The following VPS13D variants were observed in gnomAD, a reference collection of about 807,000 sequenced individuals.
VPS13D encodes intermembrane lipid transfer protein VPS13D.
VPS13D carries 187 observed loss-of-function variants against 461.9 expected under a neutral mutation model. The observed-to-expected ratio is 0.40, with a 90% confidence interval of 0.36 to 0.46. The LOEUF (loss-of-function observed/expected upper bound fraction) is 0.46, where lower values mean the gene tolerates loss of function less well. Ranked by LOEUF, VPS13D falls within the 20% of genes least tolerant of loss-of-function variation. VPS13D has a pLI of 0.60. For synonymous variants in VPS13D, 1,951 were observed against 1,986.3 expected (o/e 0.98, Z 0.47); for missense variants, 4,711 against 5,364.9 (o/e 0.88, Z 3.81).
rs1641842301 is a variant in VPS13D, at chr1:12,283,172, G to A, written c.5070G>A (p.Val1690=). The A allele has an allele frequency of 3.7e-6, 6 of 1,614,090 alleles. No individual in the cohort carries two copies. The highest frequency in any genetic ancestry group is 1.3e-5 in the African/African-American group (1 of 74,940). The change falls in exon 21 of 70, where the codon GTG becomes GTA. Residue 1690 remains valine (V), a synonymous_variant. Coordinates refer to ENST00000620676, the MANE Select transcript of VPS13D (RefSeq NM_015378.4). ...NPDSKYKNLM[V]SRGAPKPSSL... ...ATTCTAAATATAAGAACCTGATGGT[G>A]TCTCGAGGAGCCCCTAAGCCATCTA... is the stretch of plus-strand genomic sequence containing the variant.
chr1:12,380,627 T>C (rs1297714791), intron 57 of VPS13D, among the ~76,000 whole-genome samples: 1 of 152,224 alleles, frequency 6.6e-6, no homozygotes, highest in African/African-American at 2.4e-5. Flanking sequence ...CTAGGAGGTT[T>C]GGACATGCAG....
intron 13 of VPS13D, among the ~76,000 whole-genome samples, chr1:12,266,126 C>A (rs547184920): frequency 6.6e-6 from 1 of 152,312 alleles, no homozygotes; most frequent in African/African-American, 2.4e-5. Context: ...GATTGCACCA[C>A]TGCACTCCAG....
In VPS13D at chr1:12,277,319, A is replaced by G. The variant is rs1453763210; in HGVS notation, c.3731A>G (p.Tyr1244Cys). The change falls in exon 19 of 70, where the codon TAT (tyrosine) becomes TGT (cysteine). Residue 1244 changes from tyrosine (Y) to cysteine (C), a missense_variant. Tyr to Cys is a radical substitution (Grantham distance 194). Transcript: ENST00000620676. ...YVVSIGNSVG[Y>C]ENIISDIGYF... ...GTCAGCATTGGGAATTCTGTAGGCTATGAAAATATCATCAGTGATATTGGC... is the reference window on the plus strand; with the variant it reads ...GTCAGCATTGGGAATTCTGTAGGCTGTGAAAATATCATCAGTGATATTGGC... 1.9e-6 allele frequency: 3 copies of G among 1,614,256 alleles called. No homozygotes were observed. The highest frequency in any genetic ancestry group is 2.5e-6 in the Non-Finnish European group (3 of 1,180,040).
At chr1:12,444,810 T>TTCTTACATATCTGGAAA (rs1645173279) in intron 65 of VPS13D, among the ~76,000 whole-genome samples, 2 of 152,210 alleles carry the variant, frequency 1.3e-5, no homozygotes, top group Non-Finnish European at 2.9e-5. Flanking sequence ...ATCTGGAAAT[T>TTCTTACATATCTGGAAA]TTAATTGAAT....
At chr1:12,399,010 C>T (rs1644536849) in intron 60 of VPS13D, among the ~76,000 whole-genome samples, 1 of 152,130 alleles carries the variant, frequency 6.6e-6, no homozygotes. Context: ...ATGAAGTTGT[C>T]ATAAGGATGG....
chr1:12,433,263 AAAAAAAAC>A lies in VPS13D; in HGVS notation c.12333+16455_12333+16462del, dbSNP rs781557424. On this transcript the variant is annotated intron_variant, in intron 65 of 69. Transcript: ENST00000620676. ...TTTAATCTGGAACGCTTGGGGAAAA[AAAAAAAAC>A]AAAAAAACAAAAAAACAACAACAAA... is the stretch of plus-strand genomic sequence containing the variant. 4.4e-3 allele frequency among the ~76,000 whole-genome samples: 664 copies of A among 150,774 alleles called. 3 individuals are homozygous for A. The highest frequency in any genetic ancestry group is 6.8e-3 in the Middle Eastern group (2 of 292).
rs1271450382 is a variant in VPS13D at position 12,504,116 on chromosome 1, A to T, written c.12795-2737A>T. Among the ~76,000 whole-genome samples, 3 of 152,294 alleles carry T rather than the reference A, an allele frequency of 2.0e-5. No individual in the cohort carries two copies. The East Asian group carries it at 5.8e-4, about 29-fold the overall frequency. ...GGGTCTGGTCTGGAGCTGTTTAATT[A>T]TTCTTTGATGTGTTTGGCAGATTTT... On this transcript the variant is annotated intron_variant, in intron 68 of 69. Transcript: ENST00000620676.
intron 67 of VPS13D, among the ~76,000 whole-genome samples, chr1:12,491,722 A>G (rs937139197): frequency 1.1e-4 from 16 of 152,264 alleles, no homozygotes; most frequent in Admixed American, 3.3e-4. Flanking sequence ...TCCCTGGGGG[A>G]AGAGTCCTCC....
At chr1:12,420,072 T>A (rs1249812205) in intron 65 of VPS13D, among the ~76,000 whole-genome samples, 1 of 152,226 alleles carries the variant, frequency 6.6e-6, no homozygotes, top group Admixed American at 6.5e-5. Flanking sequence ...ATACCAGCAA[T>A]CTTAGGTGTT....
intron 29 of VPS13D, among the ~76,000 whole-genome samples, chr1:12,313,299 CTTTTT>C (rs765170972): frequency 6.8e-5 from 8 of 117,600 alleles, no homozygotes; most frequent in Middle Eastern, 4.2e-3. Context: ...TTATTCTTTC[CTTTTT>C]TTTTTTTTTT....
intron 65 of VPS13D, among the ~76,000 whole-genome samples, chr1:12,448,575 G>A (rs796186403): frequency 3.9e-5 from 6 of 152,260 alleles, no homozygotes; most frequent in African/African-American, 1.4e-4. Flanking sequence ...GAGCTGAAAG[G>A]CAGGACACAA....
chr1:12,406,045 T>C lies in VPS13D; in HGVS notation c.12030+2072T>C, dbSNP rs78513944. Among the ~76,000 whole-genome samples, 679 of 151,934 alleles carry C rather than the reference T, an allele frequency of 4.5e-3. 3 individuals are homozygous for C. The highest frequency in any genetic ancestry group is 0.016 in the African/African-American group (645 of 41,536). ...GTTGAATGTTTCATCTGGCACTGAATTGAAGGAACATTTTCAGGGCATTTT... is the reference window on the plus strand; with the variant it reads ...GTTGAATGTTTCATCTGGCACTGAACTGAAGGAACATTTTCAGGGCATTTT... On this transcript the variant is annotated intron_variant, in intron 63 of 69. Coordinates refer to ENST00000620676, the MANE Select transcript of VPS13D (RefSeq NM_015378.4).
intron 2 of VPS13D, among the ~76,000 whole-genome samples, chr1:12,242,070 A>AT (rs761501896): frequency 7.5e-4 from 114 of 152,084 alleles, no homozygotes; most frequent in Admixed American, 1.4e-3. Context: ...TTAAAGGTTG[A>AT]TAAAAAAAAA....
In VPS13D at chr1:12,401,645, T is replaced by C. The variant is rs778052632; in HGVS notation, c.11822T>C (p.Ile3941Thr). 1.2e-5 allele frequency: 19 copies of C among 1,613,476 alleles called. No homozygotes were observed. Among genetic ancestry groups the C allele is most frequent in the Middle Eastern group, 1.6e-4 (1 of 6,084 alleles). Residue 3941 changes from isoleucine to threonine, a missense_variant, in exon 62 of 70, where the codon ATT becomes ACT. Physicochemically the swap from Ile to Thr is moderately conservative, Grantham distance 89 (BLOSUM62 -1). This residue lies in a region of VPS13D where 4,411 missense variants were observed against 4,937.8 expected (regional missense o/e 0.89). Transcript: ENST00000620676. ...ACAGCTCAGAGATTCACAGTGCAAA[T>C]TGAGGAGAAACTGCTCCTCAAGCTG... ...MITAQRFTVQIEEKLLLKLLS... is the reference protein window; with the variant it reads ...MITAQRFTVQTEEKLLLKLLS...
chr1:12,503,928 G>C (rs1319089505), intron 68 of VPS13D, among the ~76,000 whole-genome samples: 6 of 152,162 alleles, frequency 3.9e-5, no homozygotes, highest in Non-Finnish European at 5.9e-5. Context: ...GGCCAGGGAA[G>C]GGGAATTACC....
At position 12,505,228 on chromosome 1, in the gene VPS13D, C is replaced by G. The variant is rs972548328; in HGVS notation, c.12795-1625C>G. The stretch of plus-strand genomic sequence containing the variant: ...TTCTCTGTGTCAGGATCATTTTTAT[C>G]CCTCTCTGTCTGTCTTTCTGTCTTT... On this transcript the variant is annotated intron_variant, in intron 68 of 69. Coordinates refer to ENST00000620676, the MANE Select transcript of VPS13D (RefSeq NM_015378.4). This position sits in a 1 kb window ranked among gnomAD's most constrained non-coding sequence, Gnocchi z 4.2. 3.2e-4 allele frequency among the ~76,000 whole-genome samples: 48 copies of G among 152,302 alleles called. No homozygotes were observed. The highest frequency in any genetic ancestry group is 1.1e-3 in the African/African-American group (45 of 41,548).
chr1:12,471,621 T>C (rs1645564311), intron 67 of VPS13D, among the ~76,000 whole-genome samples: 1 of 152,240 alleles, frequency 6.6e-6, no homozygotes, highest in Non-Finnish European at 1.5e-5. Context: ...ACATACATGT[T>C]TCCTTTCCCC....
At chr1:12,411,475 T>C (rs1017326609) in intron 63 of VPS13D, among the ~76,000 whole-genome samples, 6 of 120,988 alleles carry the variant, frequency 5.0e-5, no homozygotes, top group Non-Finnish European at 8.1e-5. Context: ...TCTACAAAAA[T>C]GGAAGGAAGG....
intron 65 of VPS13D, among the ~76,000 whole-genome samples, chr1:12,423,131 G>A (rs188197804): frequency 6.6e-6 from 1 of 152,080 alleles, no homozygotes; most frequent in Non-Finnish European, 1.5e-5. Context: ...TGCAACCATG[G>A]TTTTACTCAT....
Sources: gnomAD v4.1 joint callset for allele counts (sites outside exome capture counted in the v4.1 genomes callset) on GRCh38, gnomAD v4.1.1 for gene constraint, gnomAD v4.1.1 regional missense constraint, Gnocchi (gnomAD v3.1) non-coding constraint, MANE v1.5 for transcripts, NCBI Gene and HGNC (gene_info 2026-07-23, HGNC 2026-07-21) for gene names.